STARD13: variants seen among roughly 807,000 people sequenced by gnomAD.
The protein encoded by STARD13 is stAR-related lipid transfer protein 13.
A neutral mutation model predicts 106.4 loss-of-function variants in STARD13; 62 were observed. The observed-to-expected ratio is 0.58, with a 90% CI of 0.48 to 0.72. The LOEUF (loss-of-function observed/expected upper bound fraction) is 0.72, where lower values mean the gene tolerates loss of function less well. Among genes scored for constraint, STARD13 ranks in the 30% least tolerant of loss-of-function variants. The probability of loss-of-function intolerance (pLI) is 0.00; values close to 1 mark genes in which losing one functional copy is unlikely to be tolerated. For synonymous variants in STARD13, 565 were observed against 553.0 expected (o/e 1.02, Z -0.31); for missense variants, 1,387 against 1,424.0 (o/e 0.97, Z 0.42).
At chr13:33,257,026 A>G (rs1403905634) in intron 1 of STARD13, among the ~76,000 whole-genome samples, 1 of 152,236 alleles carries the variant, frequency 6.6e-6, no homozygotes, top group Non-Finnish European at 1.5e-5. Context: ...GAGCAAATGA[A>G]GCTCTAACCA....
At chr13:33,555,968 A>C in the STARD13 span, among the ~76,000 whole-genome samples, 3 of 152,324 alleles carry the variant, frequency 2.0e-5, no homozygotes, top group East Asian at 5.8e-4. Context: ...CTTCAGAAAA[A>C]TAAATGACAG....
At chr13:33,388,055 T>C in the STARD13 span, among the ~76,000 whole-genome samples, 1 of 152,102 alleles carries the variant, frequency 6.6e-6, no homozygotes, top group Non-Finnish European at 1.5e-5. Context: ...GTGAAGGGTA[T>C]GAGGGGAGCT....
chr13:33,348,891 TACA>T (rs2078042865), exon 2 of STARD13: 1 of 470,810 alleles, frequency 2.1e-6, no homozygotes, highest in African/African-American at 1.9e-5. Flanking sequence ...ATTGTATGCT[TACA>T]ACATTGAGTG....
At chr13:33,228,244 C>T (rs974283785) in intron 1 of STARD13, among the ~76,000 whole-genome samples, 2 of 152,028 alleles carry the variant, frequency 1.3e-5, no homozygotes, top group Non-Finnish European at 2.9e-5. Context: ...CAGCCTCTGG[C>T]GAAGGCTGAG....
chr13:33,270,592 A>G (rs753879175), intron 1 of STARD13, among the ~76,000 whole-genome samples: 4 of 152,202 alleles, frequency 2.6e-5, no homozygotes, highest in Non-Finnish European at 4.4e-5. Flanking sequence ...TAACAAAAAT[A>G]TCGATGACTA....
the STARD13 span, among the ~76,000 whole-genome samples, chr13:33,528,243 C>CATATATATATACATATATATATATATAT: frequency 2.1e-5 from 2 of 93,484 alleles, no homozygotes; most frequent in Admixed American, 1.1e-4. Context: ...TATATATATA[C>CATATATATATACATATATATATATATAT]ATATATATAT....
chr13:33,121,196 A>C (rs1876233622), intron 7 of STARD13, among the ~76,000 whole-genome samples: 3 of 152,232 alleles, frequency 2.0e-5, no homozygotes, highest in Non-Finnish European at 4.4e-5. Flanking sequence ...CTGAGACCAG[A>C]AGAAGAGCTT....
the STARD13 span, among the ~76,000 whole-genome samples, chr13:33,601,543 C>T: frequency 6.6e-6 from 1 of 152,160 alleles, no homozygotes; most frequent in Non-Finnish European, 1.5e-5. Context: ...TAATGTTAGG[C>T]TTTCTTTGAA....
At chr13:33,174,670 G>A (rs937531733) in intron 1 of STARD13, among the ~76,000 whole-genome samples, 3 of 152,184 alleles carry the variant, frequency 2.0e-5, no homozygotes, top group Non-Finnish European at 2.9e-5. Flanking sequence ...TACAACTTGA[G>A]GGGCAATTTG....
chr13:33,114,603 G>A (rs1053395426), intron 8 of STARD13, among the ~76,000 whole-genome samples: 3 of 152,202 alleles, frequency 2.0e-5, no homozygotes, highest in African/African-American at 7.2e-5. Context: ...TGTGAGAGGT[G>A]TAACAAGTTT....
the STARD13 span, among the ~76,000 whole-genome samples, chr13:33,365,495 G>C: frequency 5.7e-4 from 86 of 152,192 alleles, no homozygotes; most frequent in Non-Finnish European, 9.4e-4. Flanking sequence ...CTGGAGAAGG[G>C]AGCCCTGCCA....
the STARD13 span, among the ~76,000 whole-genome samples, chr13:33,659,173 A>C: frequency 2.0e-5 from 3 of 151,152 alleles, no homozygotes; most frequent in Admixed American, 6.6e-5. Flanking sequence ...GTGAACTCCA[A>C]TTTATAGCCT....
chr13:33,457,927 G>A, the STARD13 span, among the ~76,000 whole-genome samples: 1 of 152,090 alleles, frequency 6.6e-6, no homozygotes, highest in Non-Finnish European at 1.5e-5. Flanking sequence ...CAAAGATTTT[G>A]ATAACAAAAA....
chr13:33,293,046 C>A (rs1040456973), intron 1 of STARD13, among the ~76,000 whole-genome samples: 1 of 152,180 alleles, frequency 6.6e-6, no homozygotes, highest in Non-Finnish European at 1.5e-5. Context: ...TTGCATGGAG[C>A]CTTCCTATGG....
chr13:33,335,785 A>T (rs537897278), intron 1 of STARD13, among the ~76,000 whole-genome samples: 2 of 152,354 alleles, frequency 1.3e-5, no homozygotes, highest in South Asian at 2.1e-4. Context: ...CTAATTCATC[A>T]TCCCAGAGAG....
At chr13:33,310,505 A>G (rs937007706) in intron 1 of STARD13, among the ~76,000 whole-genome samples, 4 of 152,176 alleles carry the variant, frequency 2.6e-5, no homozygotes, top group African/African-American at 9.7e-5. Context: ...CTCTCTTGCG[A>G]TATAAAACTT....
intron 1 of STARD13, among the ~76,000 whole-genome samples, chr13:33,298,150 GAT>G (rs1892572389): frequency 1.6e-5 from 1 of 61,182 alleles, no homozygotes; most frequent in Non-Finnish European, 2.9e-5. Context: ...TTTTTTTTGA[GAT>G]AGAGTCTCAC....
chr13:33,220,673 C>T (rs1888307483), intron 1 of STARD13, among the ~76,000 whole-genome samples: 1 of 152,070 alleles, frequency 6.6e-6, no homozygotes, highest in African/African-American at 2.4e-5. Context: ...GCCTGGGCAA[C>T]AGAGCAAGAT....
chr13:33,458,155 C>A, the STARD13 span, among the ~76,000 whole-genome samples: 1 of 152,036 alleles, frequency 6.6e-6, no homozygotes, highest in Non-Finnish European at 1.5e-5. Flanking sequence ...TCAAAAAGTG[C>A]AAAGAAGGGG....
Sources: gnomAD v4.1 joint callset for allele counts (sites outside exome capture counted in the v4.1 genomes callset) on GRCh38, gnomAD v4.1.1 for gene constraint, MANE v1.5 for transcripts, NCBI Gene and HGNC (gene_info 2026-07-23, HGNC 2026-07-21) for gene names.